Variants in USP35 observed in about 807,000 individuals in gnomAD.
USP35 encodes ubiquitin carboxyl-terminal hydrolase 35.
Under a neutral mutation model 83.8 loss-of-function variants are expected in USP35, and 69 were observed. That is an observed-to-expected ratio of 0.82 (90% CI 0.68 to 1.01). The LOEUF is 1.01. Ranked by LOEUF, USP35 falls within the 50% of genes least tolerant of loss-of-function variation. USP35 has a pLI of 0.00. For missense variants in USP35, 1,503 were observed against 1,362.5 expected, an observed-to-expected ratio of 1.10 and a Z score of -1.62; for synonymous variants, 714 against 589.5, an observed-to-expected ratio of 1.21 and a Z score of -3.06.
At chr11:78,219,317 T>C (rs1255937042), downstream of USP35, 5 of 1,613,902 alleles carry the variant, frequency 3.1e-6, no homozygotes, top group South Asian at 2.2e-5. Flanking sequence ...GCCGCACGTC[T>C]GTCCACTCCT....
Position 78,210,189 on chromosome 11 carries a change from C to G in USP35, c.2334C>G (p.Asn778Lys). 6.2e-7 allele frequency: 1 copy of G among 1,614,068 alleles called. No individual in the cohort carries two copies. Among genetic ancestry groups the G allele is most frequent in the Non-Finnish European group, 8.5e-7 (1 of 1,180,014 alleles). The change falls in exon 10 of 11, where the codon AAC (asparagine) becomes AAG (lysine). Residue 778 changes from asparagine (N) to lysine (K), a missense_variant. Physicochemically the swap from Asn to Lys is moderately conservative, Grantham distance 94. Coordinates refer to ENST00000529308, the MANE Select transcript of USP35 (RefSeq NM_020798.4). ...CCCCCGAGAAGCTGACAGCAGAAAA[C>G]CGCTACTACTGCGAGTCGTGTGCCT... ...FLSPEKLTAE[N>K]RYYCESCASL...
chr11:78,224,614 C>A, the USP35 span, among the ~76,000 whole-genome samples: 3 of 152,192 alleles, frequency 2.0e-5, no homozygotes, highest in Non-Finnish European at 4.4e-5. Context: ...TTTCAGTGGG[C>A]CTGAAGCCAG....
At chr11:78,227,235 G>A in the USP35 span, among the ~76,000 whole-genome samples, 61 of 152,192 alleles carry the variant, frequency 4.0e-4, no homozygotes, top group African/African-American at 1.1e-3. Flanking sequence ...GACTTCATCC[G>A]TCCCCCATCT....
rs1238854159 is a variant in USP35, at chr11:78,214,964, A to G, written c.*1151A>G. On this transcript the variant is annotated 3_prime_UTR_variant, in exon 11 of 11. Transcript: ENST00000529308. ...GGAGGCAGCTCTCAAGCCTTTACCT[A>G]CCTCCTTCCCCAGGGGCTGCCTGCT... is the stretch of plus-strand genomic sequence containing the variant. Among the ~76,000 whole-genome samples, 1 of 151,576 alleles carries G rather than the reference A, an allele frequency of 6.6e-6. No homozygotes were observed. Among genetic ancestry groups the G allele is most frequent in the Admixed American group, 6.6e-5 (1 of 15,202 alleles).
At chr11:78,223,550 T>G in the USP35 span, 1 of 1,613,800 alleles carries the variant, frequency 6.2e-7, no homozygotes, top group South Asian at 1.1e-5. Flanking sequence ...CTCATTGGGA[T>G]GTAGACGCTC....
chr11:78,202,220 C>G (rs1863379154), intron 6 of USP35, among the ~76,000 whole-genome samples: 1 of 152,148 alleles, frequency 6.6e-6, no homozygotes, highest in African/African-American at 2.4e-5. Context: ...GGGCCTATCC[C>G]CAGCAGGGAG....
Position 78,210,672 on chromosome 11 carries a change from A to G in USP35, c.2817A>G (p.Arg939=), listed in dbSNP as rs2134417068. 2 of 1,611,628 alleles carry G rather than the reference A, an allele frequency of 1.2e-6. No homozygotes were observed. The highest frequency in any genetic ancestry group is 2.2e-5 in the South Asian group (2 of 90,822). ...CCGAGGCTGAGTTGGGCTCTTCTAG[A>G]GTCCGGACAGAGCCCACCCTGCACA... ...EGPEAELGSS[R]VRTEPTLHKD... is the part of the protein sequence containing the mutation. Residue 939 remains arginine, a synonymous_variant, in exon 10 of 11, where the codon AGA becomes AGG. Coordinates refer to ENST00000529308, the MANE Select transcript of USP35 (RefSeq NM_020798.4).
chr11:78,214,011 T>G lies in USP35; in HGVS notation c.*198T>G. 1.8e-6 allele frequency: 1 copy of G among 569,072 alleles called. No individual in the cohort carries two copies. 35.3% of individuals were successfully genotyped at this position (569,072 alleles called of 1,614,324 possible). ...TCCCTTTCATTGGGGATCAGTCCCATTAAAACTTTACACCCAAGTGTCCTG... is the reference window on the plus strand; with the variant it reads ...TCCCTTTCATTGGGGATCAGTCCCAGTAAAACTTTACACCCAAGTGTCCTG... On this transcript the variant is annotated 3_prime_UTR_variant, in exon 11 of 11. Transcript: ENST00000529308.
chr11:78,236,986 G>A, the USP35 span, among the ~76,000 whole-genome samples: 10 of 152,048 alleles, frequency 6.6e-5, no homozygotes, highest in African/African-American at 2.4e-4. Context: ...ATTATTCATG[G>A]GGGATATTCT....
chr11:78,225,221 T>C, the USP35 span: 4 of 1,526,392 alleles, frequency 2.6e-6, no homozygotes, highest in Middle Eastern at 1.7e-4. Flanking sequence ...GGAAGGAGGA[T>C]TCATAAGTAC....
chr11:78,196,983 G>A lies in USP35; in HGVS notation c.673+65G>A. On this transcript the variant is annotated intron_variant, in intron 2 of 10. Coordinates refer to ENST00000529308, the MANE Select transcript of USP35 (RefSeq NM_020798.4). This position sits in a 1 kb window ranked among gnomAD's most constrained non-coding sequence, Gnocchi z 4.8. ...GTCCTGGGTGGGCGCTTGGGTAGGT[G>A]GCTGTACGTGTGGATTTGTGCATGC... 1 of 1,416,166 alleles carries A rather than the reference G, an allele frequency of 7.1e-7. No individual in the cohort carries two copies. The highest frequency in any genetic ancestry group is 2.6e-4 in the Middle Eastern group (1 of 3,794). 87.7% of individuals were successfully genotyped at this position (1,416,166 alleles called of 1,614,324 possible).
chr11:78,202,373 GA>G (rs533698978), intron 6 of USP35, among the ~76,000 whole-genome samples: 32 of 152,260 alleles, frequency 2.1e-4, no homozygotes, highest in African/African-American at 6.0e-4. Flanking sequence ...CTGGATTGGG[GA>G]AAAAAATGTA....
At chr11:78,229,115 T>G in the USP35 span, among the ~76,000 whole-genome samples, 12 of 152,172 alleles carry the variant, frequency 7.9e-5, no homozygotes, top group African/African-American at 2.9e-4. Context: ...AGTATGTAGC[T>G]GCTGACAGTT....
chr11:78,221,820 G>A, the USP35 span: 1 of 1,403,296 alleles, frequency 7.1e-7, no homozygotes, highest in African/African-American at 1.4e-5. Flanking sequence ...GAAGCTGCAT[G>A]GCTGCTGCCA....
intron 1 of USP35, among the ~76,000 whole-genome samples, chr11:78,195,893 G>A (rs1027984857): frequency 3.3e-5 from 5 of 152,040 alleles, no homozygotes; most frequent in African/African-American, 1.2e-4. Context: ...ACCACTCCTG[G>A]GTAATGTTTG....
At position 78,209,650 on chromosome 11, in the gene USP35, G is replaced by A. The variant is rs201981807; in HGVS notation, c.1795G>A (p.Ala599Thr). The change falls in exon 10 of 11, where the codon GCC becomes ACC. Residue 599 changes from alanine to threonine, a missense_variant. Ala to Thr is a moderately conservative substitution (Grantham distance 58). Transcript: ENST00000529308. ...GGAGGCCTTCACGGACCTCTCTCTC[G>A]CCTTCCCTCCTCCTGAGCGCTGTCG... ...REEAFTDLSL[A>T]FPPPERCRRR... is the part of the protein sequence containing the mutation. 5 of 1,614,008 alleles carry A rather than the reference G, an allele frequency of 3.1e-6. No homozygotes were observed. In the East Asian group the frequency reaches 6.7e-5, roughly 22 times the overall value.
rs1032330652 is a variant in USP35, at chr11:78,214,733, G to C, written c.*920G>C. On this transcript the variant is annotated 3_prime_UTR_variant, in exon 11 of 11. Transcript: ENST00000529308. ...AAGAGATTGTTCTTCCTTGGACTCAGGGGCTGTGATGGCCACTGGGTTTTG... is the reference window on the plus strand; with the variant it reads ...AAGAGATTGTTCTTCCTTGGACTCACGGGCTGTGATGGCCACTGGGTTTTG... 1 of 151,868 alleles carries C rather than the reference G, an allele frequency of 6.6e-6. No homozygotes were observed. The highest frequency in any genetic ancestry group is 2.4e-5 in the African/African-American group (1 of 41,076). The allele number at this position is 151,868 out of a possible 1,614,324, so 9.4% of individuals were successfully genotyped here.
In USP35 at chr11:78,200,961, A is replaced by T. The variant is rs566722862; in HGVS notation, c.1197+153A>T. Among the ~76,000 whole-genome samples the T allele has an allele frequency of 7.2e-5, 11 of 152,358 alleles. No homozygotes were observed. In the South Asian group the frequency reaches 2.3e-3, roughly 32 times the overall value. On this transcript the variant is annotated intron_variant, in intron 6 of 10. Transcript: ENST00000529308. ...CTCCCCAGGTCCATCATGTGCCTCA[A>T]GCACACTGAGCCACTCACGTTCCCC...
downstream of USP35, chr11:78,216,818 G>C (rs1335395792): frequency 6.6e-6 from 1 of 152,200 alleles, no homozygotes; most frequent in African/African-American, 2.4e-5. Flanking sequence ...GTCGTATGGG[G>C]CCCCTTGTAG....
Sources: gnomAD v4.1 joint callset for allele counts (sites outside exome capture counted in the v4.1 genomes callset) on GRCh38, gnomAD v4.1.1 for gene constraint, Gnocchi (gnomAD v3.1) non-coding constraint, MANE v1.5 for transcripts, NCBI Gene and HGNC (gene_info 2026-07-23, HGNC 2026-07-21) for gene names.